The following HECW1 variants were observed in gnomAD, a reference collection of about 807,000 sequenced individuals.
The protein encoded by HECW1 is E3 ubiquitin-protein ligase HECW1.
In HECW1, 61 loss-of-function variants were observed where a neutral mutation model predicts 182.3. The ratio of observed to expected loss-of-function variants is 0.33; its 90% CI spans 0.27 to 0.41. The LOEUF (loss-of-function observed/expected upper bound fraction) is 0.41, where lower values mean the gene tolerates loss of function less well. HECW1 is among the 10% of genes least tolerant of loss of function. The pLI, the probability that HECW1 is intolerant of heterozygous loss-of-function variation, is 1.00. For synonymous variants in HECW1, 859 were observed against 832.6 expected, an observed-to-expected ratio of 1.03 and a Z score of -0.55; for missense variants, 1,739 against 2,108.9, an observed-to-expected ratio of 0.82 and a Z score of 3.44.
At chr7:43,386,965 G>C (rs2074825605) in intron 6 of HECW1, among the ~76,000 whole-genome samples, 1 of 152,214 alleles carries the variant, frequency 6.6e-6, no homozygotes, top group Non-Finnish European at 1.5e-5. Context: ...ATCCAGATGA[G>C]TGTGGCATGC....
chr7:43,296,775 C>T (rs1275876349), intron 3 of HECW1, among the ~76,000 whole-genome samples: 1 of 152,234 alleles, frequency 6.6e-6, no homozygotes, highest in East Asian at 1.9e-4. Context: ...AGAGGGCCAG[C>T]CGTTCAGGGT....
chr7:43,154,523 A>G (rs1368544800), intron 2 of HECW1, among the ~76,000 whole-genome samples: 7 of 152,314 alleles, frequency 4.6e-5, no homozygotes, highest in African/African-American at 7.2e-5. Context: ...TTCTCGTTGT[A>G]GTAATCAGTG....
intron 19 of HECW1, among the ~76,000 whole-genome samples, chr7:43,500,139 C>T (rs1318107480): frequency 2.7e-5 from 4 of 149,748 alleles, no homozygotes; most frequent in Non-Finnish European, 5.9e-5. Flanking sequence ...CTTCCTCTGT[C>T]GCCCAGGCTG....
At chr7:43,253,567 T>C (rs1353906397) in intron 3 of HECW1, among the ~76,000 whole-genome samples, 1 of 152,238 alleles carries the variant, frequency 6.6e-6, no homozygotes, top group African/African-American at 2.4e-5. Context: ...TTTTAATAAC[T>C]CTGACTTAGT....
intron 24 of HECW1, among the ~76,000 whole-genome samples, chr7:43,531,318 T>C (rs2080976625): frequency 6.6e-6 from 1 of 152,166 alleles, no homozygotes; most frequent in African/African-American, 2.4e-5. Flanking sequence ...CAGCACCCTG[T>C]GCACTTCTCT....
intron 2 of HECW1, among the ~76,000 whole-genome samples, chr7:43,130,055 T>C (rs1786738876): frequency 6.6e-6 from 1 of 152,252 alleles, no homozygotes. Flanking sequence ...ATTGTATACA[T>C]TGCAATATGA....
chr7:43,503,297 A>G (rs1216789120), intron 21 of HECW1, among the ~76,000 whole-genome samples: 1 of 152,216 alleles, frequency 6.6e-6, no homozygotes, highest in East Asian at 1.9e-4. Context: ...GGGAGCGAAG[A>G]CAAAAGTAAG....
chr7:43,501,811 A>G (rs1215325130), intron 21 of HECW1, among the ~76,000 whole-genome samples: 1 of 152,062 alleles, frequency 6.6e-6, no homozygotes, highest in African/African-American at 2.4e-5. Flanking sequence ...TGCCCATACA[A>G]CAAAGAGAGT....
chr7:43,132,180 A>T (rs1358572287), intron 2 of HECW1, among the ~76,000 whole-genome samples: 2 of 139,840 alleles, frequency 1.4e-5, no homozygotes, highest in African/African-American at 5.3e-5. Flanking sequence ...CCCCGCCCCA[A>T]GTAAGGTTTT....
intron 2 of HECW1, among the ~76,000 whole-genome samples, chr7:43,225,145 C>G (rs186087086): frequency 1.3e-5 from 2 of 152,134 alleles, no homozygotes; most frequent in African/African-American, 2.4e-5. Flanking sequence ...TGAGCCAGAT[C>G]GAGGGACTCA....
chr7:43,302,950 T>TGCGCGCGCACACACAC (rs60618828), intron 3 of HECW1, among the ~76,000 whole-genome samples: 32,172 of 151,666 alleles, frequency 0.21, 3,951 homozygotes, highest in East Asian at 0.45. Flanking sequence ...CACACACACA[T>TGCGCGCGCACACACAC]GCGCGCACAC....
chr7:43,494,942 C>A (rs1459039581), intron 19 of HECW1, among the ~76,000 whole-genome samples: 1 of 152,156 alleles, frequency 6.6e-6, no homozygotes, highest in African/African-American at 2.4e-5. Flanking sequence ...TACTCTCCTG[C>A]CTTTGTCTTT....
At chr7:43,507,978 G>C (rs1350882762) in intron 22 of HECW1, 40 bp from the exon 23 acceptor site, 1 of 1,440,688 alleles carries the variant, frequency 6.9e-7, no homozygotes, top group African/African-American at 1.4e-5. Context: ...CCAGCATCCT[G>C]ACTTCAGGGC....
chr7:43,445,228 T>C lies in HECW1; in HGVS notation c.2056T>C (p.Ser686Pro). 1 of 1,613,162 alleles carries C rather than the reference T, an allele frequency of 6.2e-7. No individual in the cohort carries two copies. ...CTGCAGCCCCTCGTGCTACAGCTCC[T>C]CGTGCTACAGCACGTCCTGCTACAG... ...SCCSPSCYSS[S>P]CYSTSCYSSS... The change falls in exon 11 of 30, where the codon TCG becomes CCG. Residue 686 changes from serine to proline, a missense_variant. By Grantham distance (74) the Ser-to-Pro change is moderately conservative (BLOSUM62 -1). This residue lies in a region of HECW1 where 971 missense variants were observed against 1,029.1 expected (regional missense o/e 0.94). Transcript: ENST00000395891.
At chr7:43,458,038 G>A (rs2077461695) in intron 13 of HECW1, among the ~76,000 whole-genome samples, 1 of 152,200 alleles carries the variant, frequency 6.6e-6, no homozygotes, top group Admixed American at 6.5e-5. Context: ...CAGAGAGGAA[G>A]TCCTGATAAC....
In HECW1 at chr7:43,481,897, C is replaced by T. The variant is rs10232976; in HGVS notation, c.3234+2153C>T. Reference sequence around the variant, plus strand: ...GCTACTCGGGAGGCTGAGGCGTGAACCCGGGAGGCAGAGCTTGCAGTGAGC... The same window carrying T: ...GCTACTCGGGAGGCTGAGGCGTGAATCCGGGAGGCAGAGCTTGCAGTGAGC... On this transcript the variant is annotated intron_variant, in intron 17 of 29. Transcript: ENST00000395891. Among the ~76,000 whole-genome samples, 421 of 109,128 alleles carry T rather than the reference C, an allele frequency of 3.9e-3. 7 individuals are homozygous for T. Among genetic ancestry groups the T allele is most frequent in the East Asian group, 0.037 (170 of 4,546 alleles). The allele number at this position is 109,128 out of a possible 152,430, so 71.6% of individuals were successfully genotyped here. A position where few individuals can be genotyped will look rare whatever the true frequency, so the allele number is the denominator to read the frequency against.
chr7:43,184,413 G>C (rs1793173057), intron 2 of HECW1, among the ~76,000 whole-genome samples: 2 of 152,172 alleles, frequency 1.3e-5, no homozygotes, highest in African/African-American at 4.8e-5. Flanking sequence ...CCATTATATA[G>C]CTGTGATACT....
At chr7:43,345,485 T>G (rs921053943) in intron 5 of HECW1, among the ~76,000 whole-genome samples, 4 of 152,174 alleles carry the variant, frequency 2.6e-5, no homozygotes, top group Admixed American at 2.0e-4. Context: ...TTTGGTTACA[T>G]GAGTAAGTTC....
chr7:43,175,302 G>A (rs929808043), intron 2 of HECW1, among the ~76,000 whole-genome samples: 1 of 152,118 alleles, frequency 6.6e-6, no homozygotes, highest in East Asian at 1.9e-4. Flanking sequence ...CAATTTGTAA[G>A]TATGTAATAC....
Sources: gnomAD v4.1 joint callset for allele counts (sites outside exome capture counted in the v4.1 genomes callset) on GRCh38, gnomAD v4.1.1 for gene constraint, gnomAD v4.1.1 regional missense constraint, MANE v1.5 for transcripts, NCBI Gene and HGNC (gene_info 2026-07-23, HGNC 2026-07-21) for gene names.